PCDH9: variants seen among roughly 807,000 people sequenced by gnomAD.
The protein encoded by PCDH9 is protocadherin-9.
A neutral mutation model predicts 70.6 loss-of-function variants in PCDH9; 24 were observed. That is an observed-to-expected ratio of 0.34 (90% CI 0.25 to 0.48). PCDH9 has a LOEUF of 0.48. PCDH9 is among the 20% of genes least tolerant of loss of function. The pLI is 0.99. For missense variants in PCDH9, 1,281 were observed against 1,503.6 expected, an observed-to-expected ratio of 0.85 and a Z score of 2.45; for synonymous variants, 562 against 558.5, an observed-to-expected ratio of 1.01 and a Z score of -0.09.
chr13:67,046,952 G>A (rs536805114), intron 2 of PCDH9, among the ~76,000 whole-genome samples: 200 of 152,258 alleles, frequency 1.3e-3, no homozygotes, highest in Non-Finnish European at 1.6e-3. Context: ...GATGATTTCA[G>A]TATAATCTAG....
At chr13:67,159,520 G>A (rs899284152) in intron 2 of PCDH9, among the ~76,000 whole-genome samples, 5 of 152,150 alleles carry the variant, frequency 3.3e-5, no homozygotes, top group Admixed American at 1.3e-4. Context: ...CTTGGACATC[G>A]AGTAGGAAAT....
chr13:66,561,711 A>T (rs1962045817), intron 4 of PCDH9, among the ~76,000 whole-genome samples: 2 of 151,986 alleles, frequency 1.3e-5, no homozygotes, highest in Non-Finnish European at 2.9e-5. Context: ...TCTAGTGGGG[A>T]CATGGAGAAC....
chr13:66,593,817 T>C (rs1052743694), intron 4 of PCDH9, among the ~76,000 whole-genome samples: 5 of 151,774 alleles, frequency 3.3e-5, no homozygotes, highest in Non-Finnish European at 7.4e-5. Flanking sequence ...TTGTAATTTG[T>C]TGTACTTTGT....
chr13:66,591,013 A>G (rs2077033059), intron 4 of PCDH9, among the ~76,000 whole-genome samples: 1 of 151,786 alleles, frequency 6.6e-6, no homozygotes, highest in Non-Finnish European at 1.5e-5. Flanking sequence ...ACTCTAGACA[A>G]TCTTTACTTG....
chr13:66,519,081 G>A (rs1959873757), intron 4 of PCDH9, among the ~76,000 whole-genome samples: 1 of 152,148 alleles, frequency 6.6e-6, no homozygotes, highest in African/African-American at 2.4e-5. Context: ...TGGCCACACA[G>A]AAATAATAGT....
At chr13:67,183,547 A>C (rs569246449) in intron 2 of PCDH9, among the ~76,000 whole-genome samples, 19 of 152,198 alleles carry the variant, frequency 1.2e-4, no homozygotes, top group Non-Finnish European at 1.8e-4. Context: ...AATAAAGACA[A>C]TCAGTTTAAT....
At chr13:66,407,678 C>T (rs1371677957) in intron 4 of PCDH9, among the ~76,000 whole-genome samples, 2 of 152,170 alleles carry the variant, frequency 1.3e-5, no homozygotes, top group African/African-American at 4.8e-5. Flanking sequence ...AAGCGATCTA[C>T]AATTACCACT....
chr13:66,683,169 G>A (rs1376009924), intron 3 of PCDH9, among the ~76,000 whole-genome samples: 1 of 152,122 alleles, frequency 6.6e-6, no homozygotes, highest in Non-Finnish European at 1.5e-5. Context: ...CAATGGTGAT[G>A]TAAAGTTAAA....
At chr13:66,621,481 G>A (rs1173786350) in intron 4 of PCDH9, among the ~76,000 whole-genome samples, 1 of 152,122 alleles carries the variant, frequency 6.6e-6, no homozygotes, top group Non-Finnish European at 1.5e-5. Context: ...TTTTCTTTGA[G>A]GAAAAGGTAT....
At chr13:67,032,790 G>T (rs1325801869) in intron 2 of PCDH9, among the ~76,000 whole-genome samples, 1 of 152,126 alleles carries the variant, frequency 6.6e-6, no homozygotes, top group Non-Finnish European at 1.5e-5. Context: ...TGATGCTGTT[G>T]CAGACAAGTT....
intron 4 of PCDH9, among the ~76,000 whole-genome samples, chr13:66,488,229 GAGAT>G (rs1958977067): frequency 6.6e-6 from 1 of 152,186 alleles, no homozygotes; most frequent in Admixed American, 6.5e-5. Context: ...TATCTGGAGA[GAGAT>G]AGTTCAGAGA....
chr13:67,173,098 A>T (rs546482070), intron 2 of PCDH9, among the ~76,000 whole-genome samples: 27 of 152,202 alleles, frequency 1.8e-4, no homozygotes, highest in East Asian at 5.8e-4. Context: ...AATTAAAAAA[A>T]TTTTTCTTTA....
chr13:67,118,916 T>C (rs2086827987), intron 2 of PCDH9, among the ~76,000 whole-genome samples: 1 of 152,130 alleles, frequency 6.6e-6, no homozygotes, highest in Non-Finnish European at 1.5e-5. Flanking sequence ...GTTTATTTGC[T>C]CAGAAAAAAG....
Position 67,053,380 on chromosome 13 carries a change from A to G in PCDH9, c.3037-149775T>C, listed in dbSNP as rs959873737. On this transcript the variant is annotated intron_variant, in intron 2 of 4. Transcript: ENST00000377865. ...CAGACGAAACAGGACATAGGACAAG[A>G]AACAGCAAAGTGTCATAGAATAAAG... 4.6e-5 allele frequency among the ~76,000 whole-genome samples: 7 copies of G among 152,278 alleles called. No homozygotes were observed. The East Asian group carries it at 9.6e-4, about 21-fold the overall frequency.
intron 4 of PCDH9, among the ~76,000 whole-genome samples, chr13:66,549,460 C>T (rs182457416): frequency 4.2e-4 from 64 of 152,012 alleles, no homozygotes; most frequent in African/African-American, 1.5e-3. Context: ...TCATTTAATT[C>T]TTAATAAACT....
intron 2 of PCDH9, among the ~76,000 whole-genome samples, chr13:67,141,174 A>G (rs535074761): frequency 6.6e-6 from 1 of 152,346 alleles, no homozygotes; most frequent in East Asian, 1.9e-4. Flanking sequence ...CGATAGACAA[A>G]AATAAAACGA....
chr13:67,201,505 A>T (rs2089211208), intron 2 of PCDH9: 2 of 152,116 alleles, frequency 1.3e-5, no homozygotes, highest in South Asian at 4.1e-4. Context: ...CATTTATCAC[A>T]GGGAGGAAAG....
At chr13:66,343,563 CG>C (rs1956164783) in intron 4 of PCDH9, among the ~76,000 whole-genome samples, 1 of 152,136 alleles carries the variant, frequency 6.6e-6, no homozygotes, top group African/African-American at 2.4e-5. Context: ...CAAGGGAGCC[CG>C]TCTCACTTTG....
chr13:66,612,109 A>G (rs2077300229), intron 4 of PCDH9, among the ~76,000 whole-genome samples: 2 of 152,212 alleles, frequency 1.3e-5, no homozygotes, highest in Admixed American at 1.3e-4. Flanking sequence ...ACCTCATTCA[A>G]TGTTAACAAA....
Sources: allele counts gnomAD v4.1 joint callset (sites outside exome capture counted in the v4.1 genomes callset), GRCh38; gene constraint gnomAD v4.1.1; transcripts MANE v1.5; gene names NCBI Gene and HGNC (gene_info 2026-07-23, HGNC 2026-07-21).